OPCML: variants seen among roughly 807,000 people sequenced by gnomAD.
OPCML encodes opioid-binding protein/cell adhesion molecule.
In OPCML, 13 loss-of-function variants were observed where a neutral mutation model predicts 37.8. That is an observed-to-expected ratio of 0.34 (90% CI 0.22 to 0.55). OPCML has a LOEUF of 0.55. OPCML is among the 20% of genes least tolerant of loss of function. The pLI, the probability that OPCML is intolerant of heterozygous loss-of-function variation, is 0.91. For missense variants in OPCML, 341 were observed against 435.6 expected (o/e 0.78, Z 1.93); for synonymous variants, 176 against 168.8 (o/e 1.04, Z -0.33).
At chr11:132,562,006 G>T (rs1186358069) in intron 3 of OPCML, among the ~76,000 whole-genome samples, 1 of 152,106 alleles carries the variant, frequency 6.6e-6, no homozygotes, top group Non-Finnish European at 1.5e-5. Context: ...AGGCTTCCAG[G>T]GTTAAAGATA....
chr11:133,260,949 C>T (rs1202957255), intron 1 of OPCML, among the ~76,000 whole-genome samples: 1 of 152,078 alleles, frequency 6.6e-6, no homozygotes, highest in Non-Finnish European at 1.5e-5. Context: ...AGAAGACTTC[C>T]TGGAACACTA....
intron 3 of OPCML, among the ~76,000 whole-genome samples, chr11:132,606,101 G>A (rs1054308909): frequency 5.3e-5 from 8 of 152,156 alleles, no homozygotes; most frequent in Non-Finnish European, 8.8e-5. Flanking sequence ...TTGGCAGAAG[G>A]AATTTCGTCT....
intron 2 of OPCML, among the ~76,000 whole-genome samples, chr11:132,911,410 A>C (rs1944424200): frequency 6.6e-6 from 1 of 152,232 alleles, no homozygotes; most frequent in African/African-American, 2.4e-5. Context: ...GTTGGAATCT[A>C]TTACCTCCTA....
chr11:132,915,820 T>A (rs1944584937), intron 2 of OPCML, among the ~76,000 whole-genome samples: 1 of 152,208 alleles, frequency 6.6e-6, no homozygotes, highest in Non-Finnish European at 1.5e-5. Flanking sequence ...GTAATTTATC[T>A]TTTTTTGGTG....
chr11:133,233,815 C>T (rs917545411), intron 1 of OPCML, among the ~76,000 whole-genome samples: 2 of 152,166 alleles, frequency 1.3e-5, no homozygotes, highest in Admixed American at 6.5e-5. Flanking sequence ...CATCCATAGG[C>T]CTTAGCCACA....
At chr11:132,540,136 G>A (rs929898895) in intron 3 of OPCML, among the ~76,000 whole-genome samples, 1 of 152,162 alleles carries the variant, frequency 6.6e-6, no homozygotes, top group Non-Finnish European at 1.5e-5. Flanking sequence ...GCAGTAATAG[G>A]AGAGAGATGA....
intron 1 of OPCML, among the ~76,000 whole-genome samples, chr11:133,487,393 T>A (rs1947552997): frequency 6.6e-6 from 1 of 152,164 alleles, no homozygotes; most frequent in Non-Finnish European, 1.5e-5. Flanking sequence ...TCTAAAATGC[T>A]CTTCTCTCAA....
intron 1 of OPCML, among the ~76,000 whole-genome samples, chr11:133,146,736 C>T (rs1013198602): frequency 4.6e-5 from 7 of 152,198 alleles, no homozygotes; most frequent in Admixed American, 2.0e-4. Flanking sequence ...GCTGGGATTA[C>T]AGGCATGAAC....
At chr11:133,250,860 C>G (rs1941109711) in intron 1 of OPCML, among the ~76,000 whole-genome samples, 1 of 151,956 alleles carries the variant, frequency 6.6e-6, no homozygotes. Context: ...AGCAATGGAC[C>G]TCTAGAATTT....
At chr11:133,016,963 A>T (rs1947345809) in intron 1 of OPCML, among the ~76,000 whole-genome samples, 1 of 152,200 alleles carries the variant, frequency 6.6e-6, no homozygotes, top group Non-Finnish European at 1.5e-5. Flanking sequence ...ATGCTCTGAA[A>T]TATGTGTTTT....
At chr11:133,124,844 A>T (rs1949475620) in intron 1 of OPCML, among the ~76,000 whole-genome samples, 1 of 152,186 alleles carries the variant, frequency 6.6e-6, no homozygotes, top group Non-Finnish European at 1.5e-5. Flanking sequence ...GAACCTGAAT[A>T]ATCTTTCCAT....
intron 1 of OPCML, among the ~76,000 whole-genome samples, chr11:132,965,636 G>A (rs1174267325): frequency 3.9e-5 from 6 of 152,054 alleles, no homozygotes; most frequent in South Asian, 2.1e-4. Flanking sequence ...GAGTTCAAGC[G>A]ATTCTCCTGC....
At chr11:132,550,301 C>T (rs949260212) in intron 3 of OPCML, among the ~76,000 whole-genome samples, 33 of 152,246 alleles carry the variant, frequency 2.2e-4, no homozygotes, top group Non-Finnish European at 2.4e-4. Context: ...GCCTGGTGGG[C>T]GGTGACTGGA....
chr11:132,676,173 A>G (rs1318883910), intron 2 of OPCML, among the ~76,000 whole-genome samples: 2 of 152,192 alleles, frequency 1.3e-5, no homozygotes, highest in Non-Finnish European at 1.5e-5. Context: ...CAATAGTGCC[A>G]AGGCCATTGA....
At chr11:132,833,422 G>T (rs1940828280) in intron 2 of OPCML, among the ~76,000 whole-genome samples, 1 of 152,174 alleles carries the variant, frequency 6.6e-6, no homozygotes, top group Admixed American at 6.5e-5. Context: ...GCATGGAGCT[G>T]TCATCTCCGG....
intron 1 of OPCML, among the ~76,000 whole-genome samples, chr11:133,090,004 C>T (rs1267251081): frequency 6.6e-6 from 1 of 152,154 alleles, no homozygotes; most frequent in Non-Finnish European, 1.5e-5. Flanking sequence ...CAAAAATGTA[C>T]ACAGGTAAAT....
chr11:132,849,142 C>T lies in OPCML; in HGVS notation c.146+93784G>A, dbSNP rs140843560. Among the ~76,000 whole-genome samples the T allele has an allele frequency of 2.9e-3, 437 of 152,290 alleles. 3 individuals are homozygous for T. The highest frequency in any genetic ancestry group is 0.01 in the African/African-American group (417 of 41,574). ...TTAAATAGTTTACAATGCTCATTTC[C>T]TTGCATTGTCTTGTTCTATCCATTC... On this transcript the variant is annotated intron_variant, in intron 2 of 7. Transcript: ENST00000524381.
intron 3 of OPCML, among the ~76,000 whole-genome samples, chr11:132,625,751 C>A (rs1939703499): frequency 6.6e-6 from 1 of 152,040 alleles, no homozygotes; most frequent in South Asian, 2.1e-4. Flanking sequence ...CAGCATCTAG[C>A]ATGGTGTCTG....
chr11:133,157,547 A>G (rs1950079839), intron 1 of OPCML, among the ~76,000 whole-genome samples: 1 of 152,200 alleles, frequency 6.6e-6, no homozygotes, highest in Admixed American at 6.5e-5. Flanking sequence ...GTTATCAGCA[A>G]TGCCCATCCT....
Sources: gnomAD v4.1 joint callset for allele counts (sites outside exome capture counted in the v4.1 genomes callset) on GRCh38, gnomAD v4.1.1 for gene constraint, MANE v1.5 for transcripts, NCBI Gene and HGNC (gene_info 2026-07-23, HGNC 2026-07-21) for gene names.